The following ARHGEF16 variants were observed in gnomAD, a reference collection of about 807,000 sequenced individuals.
ARHGEF16 encodes the protein Rho guanine nucleotide exchange factor 16.
Under a neutral mutation model 74.1 loss-of-function variants are expected in ARHGEF16, and 59 were observed. The ratio of observed to expected loss-of-function variants is 0.80; its 90% CI spans 0.65 to 0.99. ARHGEF16 has a LOEUF of 0.99. ARHGEF16 is among the 50% of genes least tolerant of loss of function. ARHGEF16 has a pLI of 0.00. For synonymous variants in ARHGEF16, 415 were observed against 412.6 expected (o/e 1.01, Z -0.07); for missense variants, 948 against 986.6 (o/e 0.96, Z 0.52).
chr1:3,472,598 T>C (rs1245891563), intron 6 of ARHGEF16, among the ~76,000 whole-genome samples: 1 of 152,204 alleles, frequency 6.6e-6, no homozygotes, highest in African/African-American at 2.4e-5. Context: ...CTCTTTGCTC[T>C]TGTGCCTGTC....
chr1:3,471,828 C>T lies in ARHGEF16; in HGVS notation c.1023-1250C>T, dbSNP rs774702187. 3 of 1,058,848 alleles carry T rather than the reference C, an allele frequency of 2.8e-6. No individual in the cohort carries two copies. The African/African-American group carries it at 5.2e-5, about 18-fold the overall frequency. The allele number at this position is 1,058,848 out of a possible 1,614,324, so 65.6% of individuals were successfully genotyped here. A position where few individuals can be genotyped will look rare whatever the true frequency, so the allele number is the denominator to read the frequency against. Reference sequence around the variant, plus strand: ...GTGGGCGGCTCTCCCAGACCTTTCTCAGAACCTGCAGTCACCCATATGAGC... The same window carrying T: ...GTGGGCGGCTCTCCCAGACCTTTCTTAGAACCTGCAGTCACCCATATGAGC... On this transcript the variant is annotated intron_variant, in intron 6 of 14. Transcript: ENST00000378378.
chr1:3,455,058 A>G (rs1444710625), intron 1 of ARHGEF16, among the ~76,000 whole-genome samples: 1 of 127,872 alleles, frequency 7.8e-6, no homozygotes, highest in Admixed American at 7.6e-5. Context: ...CACACACACC[A>G]GGCAGCCCCC....
intron 6 of ARHGEF16, chr1:3,471,597 A>G: frequency 1.8e-6 from 2 of 1,097,830 alleles, no homozygotes; most frequent in Non-Finnish European, 2.3e-6. Context: ...GCCCCCAGCC[A>G]GGCAGGCTTT....
chr1:3,463,024 G>A, intron 1 of ARHGEF16, 42 bp from the exon 2 acceptor site: 1 of 1,375,904 alleles, frequency 7.3e-7, no homozygotes, highest in Non-Finnish European at 9.7e-7. Context: ...CGGGGGCAGG[G>A]GAGAGCAGCC....
intron 4 of ARHGEF16, chr1:3,468,616 G>T: frequency 2.0e-6 from 1 of 512,384 alleles, no homozygotes. Context: ...TCTCCCTCTG[G>T]ATGCCCCATG....
chr1:3,460,191 G>C (rs573381379), intron 1 of ARHGEF16, among the ~76,000 whole-genome samples: 1 of 152,360 alleles, frequency 6.6e-6, no homozygotes, highest in South Asian at 2.1e-4. Context: ...CTCGCTGGGA[G>C]CGGAGGTCAC....
intron 1 of ARHGEF16, among the ~76,000 whole-genome samples, chr1:3,460,445 GTGGGGTCT>G (rs1018678821): frequency 3.3e-5 from 5 of 152,220 alleles, no homozygotes; most frequent in Admixed American, 2.6e-4. Context: ...TTTGGGGGCT[GTGGGGTCT>G]TGGGGACATT....
chr1:3,479,880 G>T lies in ARHGEF16; in HGVS notation c.1957G>T (p.Ala653Ser), dbSNP rs553044853. 1.2e-6 allele frequency: 2 copies of T among 1,612,342 alleles called. No individual in the cohort carries two copies. Among genetic ancestry groups the T allele is most frequent in the African/African-American group, 2.7e-5 (2 of 75,034 alleles). Reference sequence around the variant, plus strand: ...AGCAGACGAGGTCACACTGCAGCAGGCGGACGTGGTCCTGGTTCTGCAGCA... The same window carrying T: ...AGCAGACGAGGTCACACTGCAGCAGTCGGACGTGGTCCTGGTTCTGCAGCA... Reference protein sequence around the residue: ...KQADEVTLQQADVVLVLQQED... With the variant: ...KQADEVTLQQSDVVLVLQQED... The change falls in exon 14 of 15, where the codon GCG (alanine) becomes TCG (serine). Residue 653 changes from alanine to serine, a missense_variant. Physicochemically the swap from Ala to Ser is moderately conservative, Grantham distance 99 (BLOSUM62 1). Coordinates refer to ENST00000378378, the MANE Select transcript of ARHGEF16 (RefSeq NM_014448.4).
chr1:3,475,655 G>A (rs1322152812), intron 9 of ARHGEF16, among the ~76,000 whole-genome samples: 2 of 3,720 alleles, frequency 5.4e-4, no homozygotes, highest in African/African-American at 1.1e-3. Flanking sequence ...CTTTCACAGC[G>A]CTGACAGGGA....
Position 3,477,878 on chromosome 1 carries a change from C to G in ARHGEF16, c.1477C>G (p.Leu493Val), listed in dbSNP as rs777092820. Reference protein sequence around the residue: ...TQLDFSKVKSLPLISASRWLL... With the variant: ...TQLDFSKVKSVPLISASRWLL... ...CCTCCCGGCTCTGTCCCCCCAGTCC[C>G]TCCCACTGATCTCTGCCTCCCGGTG... Residue 493 changes from leucine to valine, a missense_variant, in exon 11 of 15, where the codon CTC becomes GTC. Transcript: ENST00000378378. The G allele has an allele frequency of 1.2e-6, 2 of 1,603,258 alleles. No individual in the cohort carries two copies. Among genetic ancestry groups the G allele is most frequent in the South Asian group, 2.2e-5 (2 of 90,632 alleles).
In ARHGEF16 at chr1:3,477,929, T is replaced by C. The variant is rs767288581; in HGVS notation, c.1528T>C (p.Leu510=). ...RWLLKRGELF[L]VEETGLFRKI... is the part of the protein sequence containing the mutation. ...GCTGCTGAAGCGCGGAGAGCTGTTCTTAGTGGAAGAAACCGGACTTTTTCG... is the reference window on the plus strand; with the variant it reads ...GCTGCTGAAGCGCGGAGAGCTGTTCCTAGTGGAAGAAACCGGACTTTTTCG... The change falls in exon 11 of 15, where the codon TTA becomes CTA. Residue 510 remains leucine, a synonymous_variant. Transcript: ENST00000378378. 1.2e-6 allele frequency: 2 copies of C among 1,612,656 alleles called. No individual in the cohort carries two copies. Among genetic ancestry groups the C allele is most frequent in the South Asian group, 2.2e-5 (2 of 91,080 alleles).
At position 3,473,175 on chromosome 1, in the gene ARHGEF16, T is replaced by C; in HGVS notation, c.1120T>C (p.Tyr374His). The change falls in exon 7 of 15, where the codon TAC becomes CAC. Residue 374 changes from tyrosine to histidine, a missense_variant. Tyr to His is a moderately conservative substitution (Grantham distance 83). Transcript: ENST00000378378. ...GCACGCTGAGAAGCACTTCCACCCC[T>C]ACATCGCCTACTGCTCCAACGAGGT... The part of the protein sequence containing the change: ...EEHAEKHFHP[Y>H]IAYCSNEVYQ... The C allele has an allele frequency of 1.2e-6, 2 of 1,613,200 alleles. No individual in the cohort carries two copies. Among genetic ancestry groups the C allele is most frequent in the Non-Finnish European group, 1.7e-6 (2 of 1,179,848 alleles).
chr1:3,472,252 C>T (rs941415751), intron 6 of ARHGEF16, among the ~76,000 whole-genome samples: 9 of 152,368 alleles, frequency 5.9e-5, no homozygotes, highest in South Asian at 4.1e-4. Context: ...AGGTGACCAT[C>T]GTGGGTCCAG....
In ARHGEF16 at chr1:3,474,758, C is replaced by A. The variant is rs1212677048; in HGVS notation, c.1356C>A (p.Ser452Arg). ...ACTCCGAAAGGTACAAGGCTGCCAG[C>A]CGTGCACTGAAGGCCATCAGCAAGG... Reference protein sequence around the residue: ...QGHSERYKAASRALKAISKLV... With the variant: ...QGHSERYKAARRALKAISKLV... Residue 452 changes from serine to arginine, a missense_variant, in exon 9 of 15, where the codon AGC becomes AGA. Ser to Arg is a moderately radical substitution (Grantham distance 110, BLOSUM62 -1). Coordinates refer to ENST00000378378, the MANE Select transcript of ARHGEF16 (RefSeq NM_014448.4). 1 of 1,612,790 alleles carries A rather than the reference C, an allele frequency of 6.2e-7. No homozygotes were observed. The highest frequency in any genetic ancestry group is 2.2e-5 in the East Asian group (1 of 44,892).
intron 2 of ARHGEF16, 103 bp downstream of exon 2, chr1:3,463,775 T>C: frequency 2.0e-6 from 2 of 1,007,528 alleles, no homozygotes; most frequent in Non-Finnish European, 2.7e-6. Context: ...CAGCTGCCGT[T>C]AGTAAGCACC....
chr1:3,465,704 G>A (rs9786995), intron 2 of ARHGEF16, among the ~76,000 whole-genome samples: 9,642 of 152,158 alleles, frequency 0.063, 498 homozygotes, highest in East Asian at 0.2. Flanking sequence ...CAGCCCTCCC[G>A]TCACTTCTGC....
Position 3,467,169 on chromosome 1 carries a change from C to G in ARHGEF16, c.636C>G (p.Asp212Glu). The G allele has an allele frequency of 6.5e-7, 1 of 1,550,366 alleles. No homozygotes were observed. Among genetic ancestry groups the G allele is most frequent in the Non-Finnish European group, 8.7e-7 (1 of 1,146,666 alleles). The change falls in exon 4 of 15, where the codon GAC becomes GAG. Residue 212 changes from aspartate (D) to glutamate (E), a missense_variant and splice_region_variant. Physicochemically the swap from Asp to Glu is conservative, Grantham distance 45 (BLOSUM62 2). Transcript: ENST00000378378. ...AGGTTACCCTCCTTCTCTCTCTAGACCCCCAGCTCTACCAGGAGATCCAGG... is the reference window on the plus strand; with the variant it reads ...AGGTTACCCTCCTTCTCTCTCTAGAGCCCCAGCTCTACCAGGAGATCCAGG... ...KRGHKGSFKD[D>E]PQLYQEIQER...
chr1:3,469,084 A>G, intron 5 of ARHGEF16, 148 bp downstream of exon 5: 1 of 1,049,302 alleles, frequency 9.5e-7, no homozygotes, highest in Non-Finnish European at 1.4e-6. Flanking sequence ...AGCGCCTCAC[A>G]CAGCCCCGGG....
In ARHGEF16 at chr1:3,463,265, C is replaced by T. The variant is rs747598385; in HGVS notation, c.181C>T (p.Arg61Trp). 30 of 1,549,636 alleles carry T rather than the reference C, an allele frequency of 1.9e-5. 1 individual carries two copies. Among genetic ancestry groups the T allele is most frequent in the South Asian group, 1.8e-4 (15 of 84,026 alleles). The change falls in exon 2 of 15, where the codon CGG (arginine) becomes TGG (tryptophan). Residue 61 changes from arginine (R) to tryptophan (W), a missense_variant. Coordinates refer to ENST00000378378, the MANE Select transcript of ARHGEF16 (RefSeq NM_014448.4). ...QPQVPAPPQP[R>W]PPGHEEPWPI... ...CCAGGTCCCGGCACCCCCACAGCCT[C>T]GGCCCCCGGGGCACGAGGAGCCATG...
Sources: allele counts gnomAD v4.1 joint callset (sites outside exome capture counted in the v4.1 genomes callset), GRCh38; gene constraint gnomAD v4.1.1; transcripts MANE v1.5; gene names NCBI Gene and HGNC (gene_info 2026-07-23, HGNC 2026-07-21).